LRRC7: variants seen among roughly 807,000 people sequenced by gnomAD.
LRRC7 encodes the protein leucine-rich repeat-containing protein 7.
Under a neutral mutation model 175.7 loss-of-function variants are expected in LRRC7, and 23 were observed. The ratio of observed to expected loss-of-function variants is 0.13; its 90% confidence interval spans 0.09 to 0.19. LRRC7 has a LOEUF of 0.19. LRRC7 is among the 10% of genes least tolerant of loss of function. LRRC7 has a pLI of 1.00. For missense variants in LRRC7, 1,354 were observed against 1,904.7 expected (o/e 0.71, Z 5.38); for synonymous variants, 685 against 680.9 (o/e 1.01, Z -0.09).
rs115583012 is a variant in LRRC7, at chr1:69,575,543, T to G, written c.2+6902T>G. Among the ~76,000 whole-genome samples the G allele has an allele frequency of 2.3e-3, 350 of 152,296 alleles. 3 individuals are homozygous for G. The highest frequency in any genetic ancestry group is 7.9e-3 in the African/African-American group (330 of 41,582). On this transcript the variant is annotated intron_variant, in intron 1 of 26. Coordinates refer to ENST00000651989, the MANE Select transcript of LRRC7 (RefSeq NM_001370785.2). ...TATAAATTTAACATCTGTTAAGTAT[T>G]CTATTTTTAAAATATCTTTATTTAA...
At chr1:69,925,126 A>G (rs1647022968) in intron 7 of LRRC7, among the ~76,000 whole-genome samples, 3 of 152,232 alleles carry the variant, frequency 2.0e-5, no homozygotes, top group African/African-American at 7.2e-5. Context: ...ATATTGAACT[A>G]GCCTTGGGTC....
chr1:69,991,445 T>C (rs1464701261), intron 10 of LRRC7, among the ~76,000 whole-genome samples: 2 of 152,180 alleles, frequency 1.3e-5, no homozygotes, highest in Non-Finnish European at 2.9e-5. Flanking sequence ...TTGGACCTTA[T>C]TGACCTGTCA....
intron 1 of LRRC7, among the ~76,000 whole-genome samples, chr1:69,676,244 A>G (rs1659757842): frequency 6.6e-6 from 1 of 152,144 alleles, no homozygotes; most frequent in Middle Eastern, 3.4e-3. Context: ...CCCTCCAGAC[A>G]CAAGGAACAT....
intron 7 of LRRC7, among the ~76,000 whole-genome samples, chr1:69,879,081 T>C (rs1057054831): frequency 6.6e-6 from 1 of 150,602 alleles, no homozygotes; most frequent in African/African-American, 2.4e-5. Context: ...ATGTAGTTTA[T>C]CAGTTGAAAC....
chr1:69,652,557 C>G lies in LRRC7; in HGVS notation c.3-25824C>G, dbSNP rs185733004. The stretch of plus-strand genomic sequence containing the variant: ...TGCCCATGCTACCCAAAGCAATCTA[C>G]AAATTCAATGCAATCTCTACCAAAA... On this transcript the variant is annotated intron_variant, in intron 1 of 26. Coordinates refer to ENST00000651989, the MANE Select transcript of LRRC7 (RefSeq NM_001370785.2). Among the ~76,000 whole-genome samples the G allele has an allele frequency of 2.8e-4, 42 of 152,200 alleles. No individual in the cohort carries two copies. The East Asian group carries it at 7.1e-3, about 26-fold the overall frequency.
At chr1:69,966,309 C>A (rs2101856126) in intron 8 of LRRC7, among the ~76,000 whole-genome samples, 1 of 152,168 alleles carries the variant, frequency 6.6e-6, no homozygotes, top group African/African-American at 2.4e-5. Context: ...TATATTGCTT[C>A]TGGGAATAAC....
chr1:69,880,778 A>AGTT (rs1223611882), intron 7 of LRRC7, among the ~76,000 whole-genome samples: 2 of 152,174 alleles, frequency 1.3e-5, no homozygotes, highest in African/African-American at 4.8e-5. Flanking sequence ...AAAAAGAAGA[A>AGTT]GTTTTACAAA....
chr1:70,013,084 C>A lies in LRRC7; in HGVS notation c.1245C>A (p.Asp415Glu). Reference sequence around the variant, plus strand: ...AACTAAGAGTCCTAAATTTGAGTGACAACAGGTATTTTTGCAACATTTCAC... The same window carrying A: ...AACTAAGAGTCCTAAATTTGAGTGAAAACAGGTATTTTTGCAACATTTCAC... ...MQKLRVLNLSDNRLKNLPFSF... is the reference protein window; with the variant it reads ...MQKLRVLNLSENRLKNLPFSF... The change falls in exon 13 of 27, where the codon GAC (aspartate) becomes GAA (glutamate). Residue 415 changes from aspartate (D) to glutamate (E), a missense_variant. Transcript: ENST00000651989. 1 of 1,537,106 alleles carries A rather than the reference C, an allele frequency of 6.5e-7. No homozygotes were observed. The highest frequency in any genetic ancestry group is 1.9e-5 in the Admixed American group (1 of 53,738).
intron 14 of LRRC7, 46 bp downstream of exon 14, chr1:70,016,580 T>C (rs1364251000): frequency 7.1e-7 from 1 of 1,406,836 alleles, no homozygotes; most frequent in African/African-American, 1.5e-5. Context: ...TGAACTATAA[T>C]TGAAAGTTTG....
Position 69,906,411 on chromosome 1 carries a change from C to T in LRRC7, c.648-25096C>T, listed in dbSNP as rs139250634. On this transcript the variant is annotated intron_variant, in intron 7 of 26. Transcript: ENST00000651989. ...GTTTTACGTCTAACATGTAAGTCTT[C>T]AATCCATCTTGAATTAATTTTTGTA... 8.1e-3 allele frequency among the ~76,000 whole-genome samples: 1,236 copies of T among 152,174 alleles called. 14 individuals are homozygous for T. Among genetic ancestry groups the T allele is most frequent in the African/African-American group, 0.027 (1,131 of 41,520 alleles).
At chr1:69,772,385 G>C (rs932269278) in intron 3 of LRRC7, among the ~76,000 whole-genome samples, 4 of 152,046 alleles carry the variant, frequency 2.6e-5, no homozygotes, top group Admixed American at 6.6e-5. Context: ...AGGGAAGAGT[G>C]GTACAAGGCA....
At chr1:69,764,234 A>G (rs1346404309) in intron 3 of LRRC7, among the ~76,000 whole-genome samples, 3 of 151,938 alleles carry the variant, frequency 2.0e-5, no homozygotes, top group Non-Finnish European at 4.4e-5. Flanking sequence ...TTGAATTAGG[A>G]ACTTAAAATT....
intron 1 of LRRC7, among the ~76,000 whole-genome samples, chr1:69,573,049 T>A (rs1330374069): frequency 6.6e-6 from 1 of 152,160 alleles, no homozygotes; most frequent in Non-Finnish European, 1.5e-5. Context: ...CCTACCATAG[T>A]ACCTGAACTG....
intron 4 of LRRC7, among the ~76,000 whole-genome samples, chr1:69,823,550 T>G (rs1679548631): frequency 6.6e-6 from 1 of 151,794 alleles, no homozygotes; most frequent in East Asian, 1.9e-4. Context: ...GGAAAAAAAG[T>G]GTGTGTGTGT....
At chr1:70,032,192 T>A (rs1658818711) in intron 18 of LRRC7, among the ~76,000 whole-genome samples, 1 of 152,220 alleles carries the variant, frequency 6.6e-6, no homozygotes, top group Admixed American at 6.5e-5. Flanking sequence ...TGTCAATTAT[T>A]GCTTTGTTTC....
chr1:69,681,998 T>C (rs1208684272), intron 2 of LRRC7, among the ~76,000 whole-genome samples: 4 of 152,184 alleles, frequency 2.6e-5, no homozygotes, highest in South Asian at 2.1e-4. Flanking sequence ...TGAAGTCTTA[T>C]CAAAAGTTCA....
chr1:69,628,403 TA>T (rs764558461), intron 1 of LRRC7, among the ~76,000 whole-genome samples: 16 of 152,240 alleles, frequency 1.1e-4, no homozygotes, highest in Non-Finnish European at 1.3e-4. Context: ...ATGGAATACT[TA>T]GGTGTAAGTC....
intron 7 of LRRC7, among the ~76,000 whole-genome samples, chr1:69,881,319 C>T (rs1686579080): frequency 6.6e-6 from 1 of 152,136 alleles, no homozygotes; most frequent in African/African-American, 2.4e-5. Flanking sequence ...AAATCAGTCC[C>T]TGTATCTATA....
intron 7 of LRRC7, among the ~76,000 whole-genome samples, chr1:69,906,258 GT>G (rs1390333553): frequency 6.6e-6 from 1 of 152,128 alleles, no homozygotes; most frequent in African/African-American, 2.4e-5. Flanking sequence ...AAGCTCTTTA[GT>G]TTAATTAGAT....
Sources: gnomAD v4.1 joint callset for allele counts (sites outside exome capture counted in the v4.1 genomes callset) on GRCh38, gnomAD v4.1.1 for gene constraint, MANE v1.5 for transcripts, NCBI Gene and HGNC (gene_info 2026-07-23, HGNC 2026-07-21) for gene names.